Variants in ATAD2B observed in about 807,000 individuals in gnomAD.
ATAD2B encodes the protein ATPase family AAA domain-containing protein 2B.
Under a neutral mutation model 167.6 loss-of-function variants are expected in ATAD2B, and 40 were observed. The ratio of observed to expected loss-of-function variants is 0.24; its 90% CI spans 0.19 to 0.31. ATAD2B has a LOEUF of 0.31. Ranked by LOEUF, ATAD2B falls within the 10% of genes least tolerant of loss-of-function variation. The pLI is 1.00. For missense variants in ATAD2B, 1,242 were observed against 1,757.2 expected, an observed-to-expected ratio of 0.71 and a Z score of 5.24; for synonymous variants, 579 against 596.5, an observed-to-expected ratio of 0.97 and a Z score of 0.43.
At chr2:23,923,708 G>A (rs1704287638) in intron 1 of ATAD2B, among the ~76,000 whole-genome samples, 1 of 150,416 alleles carries the variant, frequency 6.6e-6, no homozygotes, top group South Asian at 2.1e-4. Context: ...TCCAATAATC[G>A]GCAGAATGCA....
intron 8 of ATAD2B, among the ~76,000 whole-genome samples, chr2:23,871,787 AAC>A (rs1397649790): frequency 6.6e-6 from 1 of 152,134 alleles, no homozygotes; most frequent in South Asian, 2.1e-4. Context: ...TAAGATCCTT[AAC>A]CCACCTCCTA....
At chr2:23,891,582 G>A (rs557079158) in intron 2 of ATAD2B, among the ~76,000 whole-genome samples, 37 of 151,840 alleles carry the variant, frequency 2.4e-4, no homozygotes, top group Admixed American at 2.2e-3. Flanking sequence ...TGCAACCTCC[G>A]CCTCCTGGAT....
intron 18 of ATAD2B, among the ~76,000 whole-genome samples, 191 bp from the exon 19 acceptor site, chr2:23,798,514 A>G (rs1373554506): frequency 2.0e-5 from 3 of 152,074 alleles, no homozygotes; most frequent in Non-Finnish European, 4.4e-5. Context: ...AAAAAAAAAA[A>G]AAGTATGTTT....
intron 13 of ATAD2B, among the ~76,000 whole-genome samples, chr2:23,854,135 C>T (rs547529058): frequency 2.4e-4 from 36 of 151,952 alleles, no homozygotes; most frequent in South Asian, 4.1e-4. Flanking sequence ...ATCCCAGCTA[C>T]TCAGGAGGCT....
chr2:23,725,740 C>A, the ATAD2B span, among the ~76,000 whole-genome samples: 1 of 152,022 alleles, frequency 6.6e-6, no homozygotes. Flanking sequence ...AAACAGAAAA[C>A]CTACAATACA....
intron 13 of ATAD2B, among the ~76,000 whole-genome samples, chr2:23,843,303 G>A (rs1189698011): frequency 6.6e-6 from 1 of 152,092 alleles, no homozygotes; most frequent in Non-Finnish European, 1.5e-5. Context: ...ATTATCCAAG[G>A]TGAAAACAGA....
At chr2:23,909,054 C>G (rs562470055) in intron 1 of ATAD2B, among the ~76,000 whole-genome samples, 2 of 150,416 alleles carry the variant, frequency 1.3e-5, no homozygotes, top group South Asian at 2.1e-4. Flanking sequence ...GTGGGTGCAG[C>G]GCACCAGCAT....
At chr2:23,818,554 A>T (rs1332361513) in intron 17 of ATAD2B, among the ~76,000 whole-genome samples, 1 of 152,128 alleles carries the variant, frequency 6.6e-6, no homozygotes, top group South Asian at 2.1e-4. Context: ...GATGAAAGTA[A>T]TTTAGGCTCA....
At chr2:23,816,159 C>T (rs1305594853) in intron 17 of ATAD2B, among the ~76,000 whole-genome samples, 2 of 152,082 alleles carry the variant, frequency 1.3e-5, no homozygotes, top group African/African-American at 2.4e-5. Flanking sequence ...TCAGAATTGA[C>T]AATGGTATAA....
rs1280271014 is a variant in ATAD2B at position 23,926,507 on chromosome 2, C to G, written c.216+48G>C. The G allele has an allele frequency of 7.2e-6, 11 of 1,523,458 alleles. No individual in the cohort carries two copies. In the Admixed American group the frequency reaches 2.2e-4, roughly 31 times the overall value. The allele number at this position is 1,523,458 out of a possible 1,614,324, so 94.4% of individuals were successfully genotyped here. ...ACCCGGCCAGACAAAGCCCCGGCAG[C>G]AGGGCCGGCACTTCCGAGCCTCCGG... On this transcript the variant is annotated intron_variant, in intron 1 of 27. Transcript: ENST00000238789.
intron 13 of ATAD2B, chr2:23,856,521 A>T (rs1693442160): frequency 3.2e-6 from 1 of 309,750 alleles, no homozygotes; most frequent in East Asian, 1.3e-4. Flanking sequence ...ACACATATAC[A>T]TTAAGGAATA....
At chr2:23,870,285 CTT>C (rs5829912) in intron 8 of ATAD2B, among the ~76,000 whole-genome samples, 2 of 105,644 alleles carry the variant, frequency 1.9e-5, no homozygotes, top group Admixed American at 1.3e-4. Flanking sequence ...CAGTAACCAA[CTT>C]TTTTTTTTTT....
chr2:23,798,687 T>G (rs1682985080), intron 18 of ATAD2B, among the ~76,000 whole-genome samples: 1 of 152,122 alleles, frequency 6.6e-6, no homozygotes, highest in East Asian at 1.9e-4. Flanking sequence ...AACATACACC[T>G]ATGGCACTCA....
chr2:23,866,411 CA>C (rs1007581048), intron 10 of ATAD2B, among the ~76,000 whole-genome samples: 1 of 149,038 alleles, frequency 6.7e-6, no homozygotes, highest in Non-Finnish European at 1.5e-5. Context: ...ATCTCAAAAA[CA>C]AAAAAAAGAG....
chr2:23,896,044 C>CAGTG, intron 1 of ATAD2B, 74 bp from the exon 2 acceptor site: 1 of 1,260,104 alleles, frequency 7.9e-7, no homozygotes, highest in East Asian at 2.7e-5. Flanking sequence ...AGGGGCCAGG[C>CAGTG]AGTGGCTCAC....
intron 2 of ATAD2B, among the ~76,000 whole-genome samples, chr2:23,893,180 T>C (rs1391691812): frequency 6.6e-6 from 1 of 152,148 alleles, no homozygotes; most frequent in Non-Finnish European, 1.5e-5. Flanking sequence ...CTTCATCCAA[T>C]TACCTAACTC....
the ATAD2B span, among the ~76,000 whole-genome samples, chr2:23,735,137 T>G: frequency 6.6e-6 from 1 of 152,218 alleles, no homozygotes; most frequent in African/African-American, 2.4e-5. Flanking sequence ...TCCTCCATAA[T>G]AAGACCCCAA....
intron 13 of ATAD2B, among the ~76,000 whole-genome samples, chr2:23,840,717 T>C (rs1395911394): frequency 6.6e-6 from 1 of 152,204 alleles, no homozygotes; most frequent in Non-Finnish European, 1.5e-5. Flanking sequence ...TTAGATCAGA[T>C]TCCTGAAATG....
At chr2:23,880,138 C>G (rs186797844) in intron 7 of ATAD2B, among the ~76,000 whole-genome samples, 4 of 151,116 alleles carry the variant, frequency 2.6e-5, no homozygotes, top group Admixed American at 2.6e-4. Context: ...GTAAACTATA[C>G]AGTGTAATGC....
Sources: gnomAD v4.1 joint callset for allele counts (sites outside exome capture counted in the v4.1 genomes callset) on GRCh38, gnomAD v4.1.1 for gene constraint, MANE v1.5 for transcripts, NCBI Gene and HGNC (gene_info 2026-07-23, HGNC 2026-07-21) for gene names.